The following DOK7 variants were observed in gnomAD, a reference collection of about 807,000 sequenced individuals.
DOK7 encodes protein Dok-7.
In DOK7, 32 loss-of-function variants were observed where a neutral mutation model predicts 30.7. That is an observed-to-expected ratio of 1.04 (90% confidence interval 0.79 to 1.40). DOK7 has a LOEUF of 1.40. Ranked by LOEUF, DOK7 falls within the 40% of genes most tolerant of loss-of-function variation. The pLI, the probability that DOK7 is intolerant of heterozygous loss-of-function variation, is 0.00. For missense variants in DOK7, 1,007 were observed against 699.2 expected, an observed-to-expected ratio of 1.44 and a Z score of -4.97; for synonymous variants, 447 against 324.1, an observed-to-expected ratio of 1.38 and a Z score of -4.07.
At chr4:3,480,138 G>A (rs544143100) in intron 4 of DOK7, among the ~76,000 whole-genome samples, 95 of 152,316 alleles carry the variant, frequency 6.2e-4, no homozygotes, top group African/African-American at 2.0e-3. Flanking sequence ...CTTTGGAGGC[G>A]CAGGGGGACG....
Position 3,492,919 on chromosome 4 carries a change from G to C in DOK7, c.933G>C (p.Met311Ile), listed in dbSNP as rs1203761862. ...PAAAQAAGEA[M>I]VGASRPPPKP... is the part of the protein sequence containing the mutation. Reference sequence around the variant, plus strand: ...CTGCCCAGGCCGCCGGGGAAGCCATGGTGGGTGCCTCAAGGCCACCCCCCA... The same window carrying C: ...CTGCCCAGGCCGCCGGGGAAGCCATCGTGGGTGCCTCAAGGCCACCCCCCA... The change falls in exon 7 of 7, where the codon ATG becomes ATC. Residue 311 changes from methionine to isoleucine, a missense_variant. Coordinates refer to ENST00000340083, the MANE Select transcript of DOK7 (RefSeq NM_173660.5). 5 of 1,567,076 alleles carry C rather than the reference G, an allele frequency of 3.2e-6. No homozygotes were observed. The highest frequency in any genetic ancestry group is 4.3e-6 in the Non-Finnish European group (5 of 1,159,562).
intron 4 of DOK7, among the ~76,000 whole-genome samples, chr4:3,480,780 C>T (rs1727397280): frequency 1.3e-5 from 2 of 152,204 alleles, no homozygotes; most frequent in South Asian, 2.1e-4. Flanking sequence ...CAGCAGGGAG[C>T]GCCTTCAGCA....
At chr4:3,490,979 CCTCCTG>C in intron 6 of DOK7, among the ~76,000 whole-genome samples, 1 of 124,570 alleles carries the variant, frequency 8.0e-6, no homozygotes. Context: ...TCTTCATTTC[CCTCCTG>C]CTCATTCATT....
rs1726900142 is a variant in DOK7, at chr4:3,473,611, C to T, written c.306C>T (p.Ala102=). The T allele has an allele frequency of 1.9e-6, 3 of 1,596,706 alleles. No homozygotes were observed. Among genetic ancestry groups the T allele is most frequent in the Non-Finnish European group, 2.6e-6 (3 of 1,170,714 alleles). The change falls in exon 3 of 7, where the codon GCC becomes GCT. Residue 102 remains alanine, a synonymous_variant. Coordinates refer to ENST00000340083, the MANE Select transcript of DOK7 (RefSeq NM_173660.5). ...DSHEAMCAWD[A]RIRYALGEVH... ...ACGAGGCCATGTGTGCGTGGGATGC[C>T]CGGATCCGCTATGCGCTCGGCGAGG...
At chr4:3,471,784 C>A (rs1010788448) in intron 2 of DOK7, among the ~76,000 whole-genome samples, 23 of 152,262 alleles carry the variant, frequency 1.5e-4, no homozygotes, top group African/African-American at 5.5e-4. Context: ...AAAGCCTCAG[C>A]TGGGCAGGCG....
chr4:3,492,722 A>AC, intron 6 of DOK7, 37 bp from the exon 7 acceptor site: 1 of 1,609,694 alleles, frequency 6.2e-7, no homozygotes, highest in Non-Finnish European at 8.5e-7. Context: ...AGACCCCTGT[A>AC]CCCCCACAAC....
chr4:3,497,534 G>A (rs1301852182), downstream of DOK7, among the ~76,000 whole-genome samples: 2 of 152,126 alleles, frequency 1.3e-5, no homozygotes, highest in African/African-American at 2.4e-5. Context: ...AGATGAGGAC[G>A]GCTGGCCTGG....
At chr4:3,486,861 G>T (rs897423167) in intron 5 of DOK7, among the ~76,000 whole-genome samples, 1 of 149,696 alleles carries the variant, frequency 6.7e-6, no homozygotes, top group East Asian at 1.9e-4. Context: ...GGACAGGGCC[G>T]GGCAGGGGCA....
intron 2 of DOK7, among the ~76,000 whole-genome samples, chr4:3,470,877 G>A (rs961180822): frequency 6.6e-6 from 1 of 152,238 alleles, no homozygotes; most frequent in Admixed American, 6.5e-5. Flanking sequence ...AGGAGGTGCT[G>A]GTTGGGGGCA....
At chr4:3,477,253 T>C (rs1727153423) in intron 4 of DOK7, among the ~76,000 whole-genome samples, 1 of 152,164 alleles carries the variant, frequency 6.6e-6, no homozygotes, top group Non-Finnish European at 1.5e-5. Flanking sequence ...CCGCGGAGGG[T>C]GTGACGCCTC....
In DOK7 at chr4:3,489,807, G is replaced by C; in HGVS notation, c.772+11G>C. 1 of 1,565,656 alleles carries C rather than the reference G, an allele frequency of 6.4e-7. No homozygotes were observed. Among genetic ancestry groups the C allele is most frequent in the Non-Finnish European group, 8.7e-7 (1 of 1,154,666 alleles). On this transcript the variant is annotated intron_variant, in intron 6 of 6. Transcript: ENST00000340083. The stretch of plus-strand genomic sequence containing the variant: ...GGCCGGGCAGTGGAGGTAGGGCCGG[G>C]GGCTGACCTGGGCTGTGGGACCTCG...
chr4:3,489,594 C>T (rs1404240850), intron 5 of DOK7, 83 bp from the exon 6 acceptor site: 3 of 1,547,638 alleles, frequency 1.9e-6, no homozygotes, highest in Middle Eastern at 2.0e-4. Flanking sequence ...GGGATAACCA[C>T]TGAGTCAGGC....
chr4:3,475,951 C>T (rs1727027628), intron 3 of DOK7, among the ~76,000 whole-genome samples: 2 of 152,016 alleles, frequency 1.3e-5, no homozygotes, highest in Admixed American at 6.6e-5. Flanking sequence ...AGAAGTGCAG[C>T]CCCCAGGCCC....
At chr4:3,476,659 A>C in intron 4 of DOK7, 117 bp downstream of exon 4, 2 of 1,337,270 alleles carry the variant, frequency 1.5e-6, no homozygotes, top group Non-Finnish European at 2.1e-6. Flanking sequence ...CATTTCCAGA[A>C]TGCGCCGGCA....
intron 2 of DOK7, among the ~76,000 whole-genome samples, chr4:3,467,475 C>A: frequency 7.3e-6 from 1 of 137,798 alleles, no homozygotes; most frequent in East Asian, 2.7e-4. Context: ...CCAGACATCC[C>A]TCCCCAACCC....
intron 5 of DOK7, among the ~76,000 whole-genome samples, chr4:3,486,611 C>G (rs762393284): frequency 6.6e-6 from 1 of 152,202 alleles, no homozygotes; most frequent in Non-Finnish European, 1.5e-5. Context: ...GGGGAGGTGG[C>G]ACCTATGGCC....
chr4:3,473,197 C>T (rs183100710), intron 2 of DOK7, among the ~76,000 whole-genome samples: 208 of 152,378 alleles, frequency 1.4e-3, no homozygotes, highest in East Asian at 6.9e-3. Context: ...ATTCTGAGTT[C>T]ATTTCCGCTC....
At chr4:3,490,293 T>C (rs111293378) in intron 6 of DOK7, among the ~76,000 whole-genome samples, 21 of 88,778 alleles carry the variant, frequency 2.4e-4, no homozygotes, top group Admixed American at 4.7e-4. Flanking sequence ...CTCATTCATT[T>C]CTTCCTCCGC....
Position 3,489,701 on chromosome 4 carries a change from CTG to C in DOK7, c.680_681del (p.Val227GlyfsTer33). The C allele has an allele frequency of 6.4e-7, 1 of 1,564,594 alleles. No homozygotes were observed. The highest frequency in any genetic ancestry group is 2.4e-5 in the East Asian group (1 of 41,994). On this transcript the variant is annotated frameshift_variant, in exon 6 of 7. Coordinates refer to ENST00000340083, the MANE Select transcript of DOK7 (RefSeq NM_173660.5). LOFTEE classifies it high-confidence loss of function. ...GACCCAAGTCCCCCGGGACCCTCGACTGTGGAGGAGCGTGTGGCCCAGGAAGC... is the reference window on the plus strand; with the variant it reads ...GACCCAAGTCCCCCGGGACCCTCGACTGGAGGAGCGTGTGGCCCAGGAAGC...
Sources: gnomAD v4.1 joint callset for allele counts (sites outside exome capture counted in the v4.1 genomes callset) on GRCh38, gnomAD v4.1.1 for gene constraint, MANE v1.5 for transcripts, NCBI Gene and HGNC (gene_info 2026-07-23, HGNC 2026-07-21) for gene names.